The following ATF7IP variants were observed in gnomAD, a reference collection of about 807,000 sequenced individuals.
ATF7IP encodes the protein activating transcription factor 7 interacting protein, also known as activating transcription factor 7-interacting protein 1.
Under a neutral mutation model 106.4 loss-of-function variants are expected in ATF7IP, and 23 were observed. The ratio of observed to expected loss-of-function variants is 0.22; its 90% CI spans 0.16 to 0.31. ATF7IP has a LOEUF of 0.31. Ranked by LOEUF, ATF7IP falls within the 10% of genes least tolerant of loss-of-function variation. ATF7IP has a pLI of 1.00. For synonymous variants in ATF7IP, 542 were observed against 539.0 expected (o/e 1.01, Z -0.08); for missense variants, 1,334 against 1,524.3 (o/e 0.88, Z 2.08).
intron 1 of ATF7IP, among the ~76,000 whole-genome samples, chr12:14,414,416 T>A (rs986895470): frequency 7.9e-5 from 12 of 152,196 alleles, no homozygotes; most frequent in Non-Finnish European, 1.8e-4. Context: ...CCAGGGCTGT[T>A]TTGAATGTAG....
At chr12:14,435,969 A>G (rs1942383074) in intron 3 of ATF7IP, 137 bp from the exon 4 acceptor site, 1 of 815,022 alleles carries the variant, frequency 1.2e-6, no homozygotes, top group Admixed American at 3.0e-5. Context: ...ACCTTCTAAG[A>G]TCTCCAAAAC....
chr12:14,397,007 A>G (rs1443096659), intron 1 of ATF7IP, among the ~76,000 whole-genome samples: 1 of 152,016 alleles, frequency 6.6e-6, no homozygotes, highest in Non-Finnish European at 1.5e-5. Context: ...CTAAAAATAC[A>G]AAAAATTAGC....
At chr12:14,402,401 T>C (rs1397300526) in intron 1 of ATF7IP, among the ~76,000 whole-genome samples, 1 of 152,088 alleles carries the variant, frequency 6.6e-6, no homozygotes, top group Non-Finnish European at 1.5e-5. Context: ...GTGTTGGGAT[T>C]ATAGGCATAA....
At chr12:14,442,594 C>T (rs908467632) in intron 5 of ATF7IP, among the ~76,000 whole-genome samples, 11 of 152,130 alleles carry the variant, frequency 7.2e-5, no homozygotes, top group African/African-American at 2.4e-4. Context: ...GTTCTTACTG[C>T]GTATTTCAGA....
Position 14,496,443 on chromosome 12 carries a change from G to A in ATF7IP, c.3393+100G>A, listed in dbSNP as rs1416552336. 3 of 713,178 alleles carry A rather than the reference G, an allele frequency of 4.2e-6. No individual in the cohort carries two copies. In the East Asian group the frequency reaches 8.4e-5, roughly 20 times the overall value. 44.2% of individuals were successfully genotyped at this position (713,178 alleles called of 1,614,324 possible). On this transcript the variant is annotated intron_variant, in intron 14 of 14. Transcript: ENST00000261168. ...TTTAAAATGGTTATATCCAAGGGAAGTGTTAGGTCTTCCTGCTTTTTCAGA... is the reference window on the plus strand; with the variant it reads ...TTTAAAATGGTTATATCCAAGGGAAATGTTAGGTCTTCCTGCTTTTTCAGA...
chr12:14,431,131 G>T (rs1206958808), intron 2 of ATF7IP, among the ~76,000 whole-genome samples: 1 of 152,080 alleles, frequency 6.6e-6, no homozygotes, highest in Non-Finnish European at 1.5e-5. Context: ...TTTACTTAAT[G>T]GAACCTTATT....
At chr12:14,435,283 A>G (rs957262302) in intron 3 of ATF7IP, among the ~76,000 whole-genome samples, 8 of 152,222 alleles carry the variant, frequency 5.3e-5, no homozygotes, top group Non-Finnish European at 2.9e-5. Context: ...CTTTCCTGTC[A>G]TGCTGCTATC....
intron 13 of ATF7IP, among the ~76,000 whole-genome samples, chr12:14,491,506 T>G (rs968610479): frequency 6.6e-6 from 1 of 152,174 alleles, no homozygotes. Context: ...TTTTGCTACT[T>G]CTTGCTCACT....
chr12:14,466,595 G>A lies in ATF7IP; in HGVS notation c.2862+5G>A. 6.3e-7 allele frequency: 1 copy of A among 1,589,578 alleles called. No individual in the cohort carries two copies. Among genetic ancestry groups the A allele is most frequent in the Non-Finnish European group, 8.5e-7 (1 of 1,170,420 alleles). ...GCAGCTGATAGCACATCACAGGTAAGATTTTTCCTTCTTCTTCAAAGTAAA... is the reference window on the plus strand; with the variant it reads ...GCAGCTGATAGCACATCACAGGTAAAATTTTTCCTTCTTCTTCAAAGTAAA... On this transcript the variant is annotated splice_donor_5th_base_variant and intron_variant, in intron 10 of 14. Transcript: ENST00000261168.
At chr12:14,389,536 GA>G (rs1205033794) in intron 1 of ATF7IP, among the ~76,000 whole-genome samples, 2 of 152,014 alleles carry the variant, frequency 1.3e-5, no homozygotes, top group Admixed American at 6.6e-5. Context: ...AATTCTCTTT[GA>G]AAAAAATTCA....
chr12:14,488,146 A>G (rs923616334), intron 13 of ATF7IP, among the ~76,000 whole-genome samples: 6 of 152,066 alleles, frequency 3.9e-5, no homozygotes, highest in African/African-American at 1.4e-4. Flanking sequence ...CTGGTACCAA[A>G]ATCTGAATTA....
intron 13 of ATF7IP, among the ~76,000 whole-genome samples, chr12:14,485,835 A>G (rs1944589729): frequency 1.3e-5 from 2 of 152,234 alleles, no homozygotes; most frequent in African/African-American, 2.4e-5. Flanking sequence ...TTAAGCTTAC[A>G]GTAATCCACT....
chr12:14,425,999 A>C (rs997125253), intron 2 of ATF7IP, among the ~76,000 whole-genome samples: 2 of 152,158 alleles, frequency 1.3e-5, no homozygotes, highest in East Asian at 3.8e-4. Context: ...TAAAGACTTT[A>C]CCCATTTGCT....
intron 2 of ATF7IP, among the ~76,000 whole-genome samples, chr12:14,425,712 C>T (rs1468160712): frequency 6.6e-6 from 1 of 152,028 alleles, no homozygotes; most frequent in African/African-American, 2.4e-5. Flanking sequence ...CCCTTATAGT[C>T]TGGAAATAGA....
At chr12:14,446,854 T>G in intron 5 of ATF7IP, 134 bp from the exon 6 acceptor site, 1 of 583,102 alleles carries the variant, frequency 1.7e-6, no homozygotes, top group Non-Finnish European at 2.8e-6. Flanking sequence ...TCAACTTAAT[T>G]TATTTTCTTT....
chr12:14,465,802 G>A (rs1943810142), intron 9 of ATF7IP, among the ~76,000 whole-genome samples: 1 of 152,012 alleles, frequency 6.6e-6, no homozygotes, highest in African/African-American at 2.4e-5. Context: ...TGAAAGGAAT[G>A]CCATAGTTTG....
At chr12:14,456,760 A>G in intron 7 of ATF7IP, 126 bp downstream of exon 7, 6 of 677,662 alleles carry the variant, frequency 8.9e-6, no homozygotes, top group Non-Finnish European at 1.5e-5. Flanking sequence ...GTACTTGGTT[A>G]GTATATTTTC....
chr12:14,471,072 G>A (rs73306120), intron 10 of ATF7IP, among the ~76,000 whole-genome samples: 320 of 152,012 alleles, frequency 2.1e-3, no homozygotes, highest in African/African-American at 6.8e-3. Flanking sequence ...GTTTAATTTC[G>A]TAATATTTGG....
chr12:14,439,433 G>C (rs746346078), intron 5 of ATF7IP, among the ~76,000 whole-genome samples: 10 of 152,168 alleles, frequency 6.6e-5, no homozygotes, highest in Non-Finnish European at 1.3e-4. Context: ...GTACTGTTCA[G>C]ACTTTTGAAT....
Sources: allele counts gnomAD v4.1 joint callset (sites outside exome capture counted in the v4.1 genomes callset), GRCh38; gene constraint gnomAD v4.1.1; transcripts MANE v1.5; gene names NCBI Gene and HGNC (gene_info 2026-07-23, HGNC 2026-07-21).